MR1: variants seen among roughly 807,000 people sequenced by gnomAD.
MR1 encodes major histocompatibility complex class I-related protein 1.
MR1 carries 44 observed loss-of-function variants against 37.8 expected under a neutral mutation model. That is an observed-to-expected ratio of 1.16 (90% CI 0.91 to 1.50). The LOEUF (loss-of-function observed/expected upper bound fraction) is 1.50. MR1 is among the 40% of genes most tolerant of loss of function. The pLI, the probability that MR1 is intolerant of heterozygous loss-of-function variation, is 0.00. For synonymous variants in MR1, 153 were observed against 155.8 expected, an observed-to-expected ratio of 0.98 and a Z score of 0.13; for missense variants, 386 against 419.1, an observed-to-expected ratio of 0.92 and a Z score of 0.69.
intron 3 of MR1, chr1:181,050,541 G>A (rs76696261): frequency 0.026 from 12,329 of 480,838 alleles, 229 homozygotes; most frequent in African/African-American, 0.063. Context: ...GGGATCTATT[G>A]AGGCAAATTC....
chr1:181,043,575 G>C (rs1657683673), intron 1 of MR1, among the ~76,000 whole-genome samples: 1 of 152,074 alleles, frequency 6.6e-6, no homozygotes, highest in African/African-American at 2.4e-5. Context: ...GTGGTGACGT[G>C]CTTATAATCC....
rs1319270322 is a variant in MR1, at chr1:181,052,216, T to C, written c.605-19T>C. 6.2e-7 allele frequency: 1 copy of C among 1,611,092 alleles called. No individual in the cohort carries two copies. Among genetic ancestry groups the C allele is most frequent in the Admixed American group, 1.7e-5 (1 of 59,580 alleles). Reference sequence around the variant, plus strand: ...AGTACATAAGGCACTTTGATTTAACTTTAGCTTCTTCTTCCTAGAGCCCCC... The same window carrying C: ...AGTACATAAGGCACTTTGATTTAACCTTAGCTTCTTCTTCCTAGAGCCCCC... On this transcript the variant is annotated intron_variant, in intron 3 of 5. Transcript: ENST00000367580.
intron 2 of MR1, chr1:181,049,700 C>T (rs1417343949): frequency 4.1e-6 from 2 of 482,956 alleles, no homozygotes; most frequent in Non-Finnish European, 7.4e-6. Context: ...ATTTCTGGCT[C>T]CTGCATCTCT....
chr1:181,052,167 G>C (rs1420901422), intron 3 of MR1, 68 bp from the exon 4 acceptor site: 2 of 1,525,056 alleles, frequency 1.3e-6, no homozygotes, highest in Admixed American at 4.4e-5. Context: ...AAAGCCAGTT[G>C]CCAAGTTCTA....
intron 1 of MR1, among the ~76,000 whole-genome samples, chr1:181,039,705 A>C (rs951873745): frequency 7.2e-5 from 11 of 152,096 alleles, no homozygotes; most frequent in African/African-American, 2.7e-4. Context: ...GTCTCTACTA[A>C]AAATACAAAA....
chr1:181,049,335 C>G (rs548312470), intron 2 of MR1, 23 bp downstream of exon 2: 14 of 1,601,230 alleles, frequency 8.7e-6, no homozygotes, highest in Non-Finnish European at 1.0e-5. Flanking sequence ...CAGAGACAGA[C>G]GCTTCCCCCA....
In MR1 at chr1:181,052,519, G is replaced by C. The variant is rs200078718; in HGVS notation, c.880+9G>C. On this transcript the variant is annotated intron_variant, in intron 4 of 5. Transcript: ENST00000367580. ...TCTTCAGGTCCCCCAGGGTAAGGAC[G>C]GGGATCGTGGCTGTCTAGGGAGAGA... 1 of 1,608,368 alleles carries C rather than the reference G, an allele frequency of 6.2e-7. No individual in the cohort carries two copies. Among genetic ancestry groups the C allele is most frequent in the South Asian group, 1.1e-5 (1 of 90,954 alleles).
At chr1:181,038,728 T>A (rs1463414398) in intron 1 of MR1, among the ~76,000 whole-genome samples, 1 of 152,216 alleles carries the variant, frequency 6.6e-6, no homozygotes, top group Non-Finnish European at 1.5e-5. Flanking sequence ...CATGGAGAGA[T>A]CACAGTGTGA....
In MR1 at chr1:181,060,361, AC is replaced by A. The variant is rs1052507747; in HGVS notation, c.*5097del. On this transcript the variant is annotated 3_prime_UTR_variant, in exon 6 of 6. Transcript: ENST00000367580. ...ACATTCTGAGGTACTGGGGGTTATA[AC>A]TTCAACATGAATTTTTTGGAGGAAA... The A allele has an allele frequency of 6.6e-6, 1 of 152,182 alleles. No individual in the cohort carries two copies. Among genetic ancestry groups the A allele is most frequent in the African/African-American group, 2.4e-5 (1 of 41,442 alleles). 9.4% of individuals were successfully genotyped at this position (152,182 alleles called of 1,614,324 possible).
rs1248411087 is a variant in MR1 at position 181,060,723 on chromosome 1, T to A, written c.*5458T>A. 6.6e-6 allele frequency: 1 copy of A among 152,250 alleles called. No homozygotes were observed. The highest frequency in any genetic ancestry group is 1.5e-5 in the Non-Finnish European group (1 of 68,064). 9.4% of individuals were successfully genotyped at this position (152,250 alleles called of 1,614,324 possible). A position where few individuals can be genotyped will look rare whatever the true frequency, so the allele number is the denominator to read the frequency against. ...CAAGGAAGTGTTCTTGGTCTTCAAC[T>A]TTCATCCCTGATGGTGAAAGCAGTT... On this transcript the variant is annotated 3_prime_UTR_variant, in exon 6 of 6. Transcript: ENST00000367580.
Position 181,052,257 on chromosome 1 carries a change from T to C in MR1, c.627T>C (p.Asn209=). 1 of 1,614,144 alleles carries C rather than the reference T, an allele frequency of 6.2e-7. No homozygotes were observed. Among genetic ancestry groups the C allele is most frequent in the Non-Finnish European group, 8.5e-7 (1 of 1,180,004 alleles). Residue 209 remains asparagine (N), a synonymous_variant, in exon 4 of 6, where the codon AAT becomes AAC. Transcript: ENST00000367580. The part of the protein sequence containing the change: ...QRTEPPLVRV[N]RKETFPGVTA... Reference sequence around the variant, plus strand: ...TAGAGCCCCCACTGGTCAGAGTAAATCGCAAAGAAACTTTTCCAGGGGTTA... The same window carrying C: ...TAGAGCCCCCACTGGTCAGAGTAAACCGCAAAGAAACTTTTCCAGGGGTTA...
chr1:181,055,202 A>C, intron 5 of MR1, 23 bp from the exon 6 acceptor site: 1 of 1,612,100 alleles, frequency 6.2e-7, no homozygotes, highest in Non-Finnish European at 8.5e-7. Context: ...TTGTAATCTG[A>C]CTAAAAACCC....
intron 1 of MR1, among the ~76,000 whole-genome samples, chr1:181,041,878 G>T (rs984171146): frequency 3.9e-5 from 6 of 152,100 alleles, no homozygotes; most frequent in African/African-American, 1.4e-4. Context: ...CCCGACTAGG[G>T]TGTAGACTCC....
chr1:181,052,348 G>A lies in MR1; in HGVS notation c.718G>A (p.Gly240Arg), dbSNP rs956380752. Residue 240 changes from glycine (G) to arginine (R), a missense_variant, in exon 4 of 6, where the codon GGG becomes AGG. Coordinates refer to ENST00000367580, the MANE Select transcript of MR1 (RefSeq NM_001385161.1). ...AATTTACATGACATGGATGAAAAACGGGGAAGAAATTGTCCAAGAAATTGA... is the reference window on the plus strand; with the variant it reads ...AATTTACATGACATGGATGAAAAACAGGGAAGAAATTGTCCAAGAAATTGA... Reference protein sequence around the residue: ...PEIYMTWMKNGEEIVQEIDYG... With the variant: ...PEIYMTWMKNREEIVQEIDYG... The A allele has an allele frequency of 6.8e-6, 11 of 1,614,000 alleles. No homozygotes were observed. The highest frequency in any genetic ancestry group is 1.7e-5 in the Admixed American group (1 of 59,990).
intron 1 of MR1, among the ~76,000 whole-genome samples, chr1:181,041,419 T>C (rs540996000): frequency 6.6e-6 from 1 of 152,320 alleles, no homozygotes; most frequent in African/African-American, 2.4e-5. Flanking sequence ...TTCCAGGGGA[T>C]GTTCTACACC....
chr1:181,033,700 C>T (rs557080996), upstream of MR1, among the ~76,000 whole-genome samples: 43 of 152,224 alleles, frequency 2.8e-4, no homozygotes, highest in African/African-American at 1.0e-3. Flanking sequence ...CCCTGATTGA[C>T]CAGATATGAT....
At chr1:181,054,418 C>A (rs764977360) in intron 5 of MR1, among the ~76,000 whole-genome samples, 1 of 152,122 alleles carries the variant, frequency 6.6e-6, no homozygotes, top group Non-Finnish European at 1.5e-5. Flanking sequence ...AGGATAGTAC[C>A]GATGAGACCA....
rs1657341129 is a variant in MR1, at chr1:181,037,592, T to G, written c.67+3518T>G. On this transcript the variant is annotated intron_variant, in intron 1 of 5. Coordinates refer to ENST00000367580, the MANE Select transcript of MR1 (RefSeq NM_001385161.1). ...GGAGGAAAGGAGCCTAAGTTAAAGA[T>G]CAAACACATGACTCTTTGAACACTT... Among the ~76,000 whole-genome samples, 3 of 152,210 alleles carry G rather than the reference T, an allele frequency of 2.0e-5. No individual in the cohort carries two copies. In the South Asian group the frequency reaches 6.2e-4, roughly 31 times the overall value.
chr1:181,041,860 C>T (rs918809407), intron 1 of MR1, among the ~76,000 whole-genome samples: 3 of 152,168 alleles, frequency 2.0e-5, no homozygotes, highest in African/African-American at 7.2e-5. Context: ...TCTGTCTTCT[C>T]CCCTTCCCCC....
Sources: gnomAD v4.1 joint callset for allele counts (sites outside exome capture counted in the v4.1 genomes callset) on GRCh38, gnomAD v4.1.1 for gene constraint, MANE v1.5 for transcripts, NCBI Gene and HGNC (gene_info 2026-07-23, HGNC 2026-07-21) for gene names.